Variants in RBP3 observed in about 807,000 individuals in gnomAD.
RBP3 encodes retinol binding protein 3.
Under a neutral mutation model 64.8 loss-of-function variants are expected in RBP3, and 50 were observed. The ratio of observed to expected loss-of-function variants is 0.77; its 90% CI spans 0.61 to 0.98. RBP3 has a LOEUF of 0.98. Ranked by LOEUF, RBP3 falls within the 50% of genes least tolerant of loss-of-function variation. The pLI is 0.00. For missense variants in RBP3, 1,712 were observed against 1,660.5 expected, an observed-to-expected ratio of 1.03 and a Z score of -0.54; for synonymous variants, 828 against 730.2, an observed-to-expected ratio of 1.13 and a Z score of -2.16.
rs1555211365 is a variant in RBP3, at chr10:47,350,371, G to A, written c.1887G>A (p.Val629=). 2.5e-6 allele frequency: 4 copies of A among 1,612,522 alleles called. No homozygotes were observed. The highest frequency in any genetic ancestry group is 3.4e-6 in the Non-Finnish European group (4 of 1,179,964). ...AGGCCCTGGACAAAGCCCAGGAAGT[G>A]CTGGAGTTCCACCAAAGCCTGGGGG... is the stretch of plus-strand genomic sequence containing the variant. ...AEEALDKAQE[V]LEFHQSLGAL... Residue 629 remains valine, a synonymous_variant, in exon 1 of 4, where the codon GTG becomes GTA. Transcript: ENST00000584701.
At chr10:47,355,583 C>T in intron 3 of RBP3, 65 bp downstream of exon 3, 2 of 1,607,776 alleles carry the variant, frequency 1.2e-6, no homozygotes, top group African/African-American at 2.7e-5. Context: ...CAGGGAAAGA[C>T]AGCTTGGGTG....
chr10:47,355,068 A>T (rs533523238), intron 2 of RBP3, among the ~76,000 whole-genome samples: 1 of 152,318 alleles, frequency 6.6e-6, no homozygotes, highest in East Asian at 1.9e-4. Flanking sequence ...AAATGGGGGA[A>T]ATTTATCAAC....
In RBP3 at chr10:47,349,990, C is replaced by A; in HGVS notation, c.1506C>A (p.Gly502=). The A allele has an allele frequency of 6.2e-7, 1 of 1,612,914 alleles. No homozygotes were observed. The highest frequency in any genetic ancestry group is 8.5e-7 in the Non-Finnish European group (1 of 1,179,830). ...CCTACTTCCAGGGCCCTGAGGCCGG[C>A]CCCGTGCACCTCTTCACCACCTATG... The part of the protein sequence containing the change: ...LLSYFQGPEA[G]PVHLFTTYDR... Residue 502 remains glycine, a synonymous_variant, in exon 1 of 4, where the codon GGC becomes GGA. Coordinates refer to ENST00000584701, the MANE Select transcript of RBP3 (RefSeq NM_002900.3).
chr10:47,356,097 T>C (rs1251576340), intron 3 of RBP3, among the ~76,000 whole-genome samples: 1 of 152,160 alleles, frequency 6.6e-6, no homozygotes, highest in Admixed American at 6.5e-5. Context: ...CTATCTTCCC[T>C]GCCCAGTGTG....
chr10:47,352,334 C>T (rs1298162416), intron 1 of RBP3, among the ~76,000 whole-genome samples: 1 of 152,176 alleles, frequency 6.6e-6, no homozygotes, highest in East Asian at 1.9e-4. Flanking sequence ...CCAAGAGTTG[C>T]CCTGAGACAT....
chr10:47,352,363 C>CTCCCTCT (rs1172167661), intron 1 of RBP3, among the ~76,000 whole-genome samples: 1 of 152,184 alleles, frequency 6.6e-6, no homozygotes, highest in Non-Finnish European at 1.5e-5. Flanking sequence ...GTGGGGCAGG[C>CTCCCTCT]TCCCTCTTCT....
Position 47,348,417 on chromosome 10 carries a change from C to G in RBP3, c.-68C>G. 2 of 1,549,164 alleles carry G rather than the reference C, an allele frequency of 1.3e-6. No individual in the cohort carries two copies. The highest frequency in any genetic ancestry group is 1.7e-6 in the Non-Finnish European group (2 of 1,146,730). ...AAGGGCGGAAGGCAGCTGCACAGAG[C>G]AGGGCCACGGCCTTGCACACAGTCC... On this transcript the variant is annotated 5_prime_UTR_variant, in exon 1 of 4. Transcript: ENST00000584701.
chr10:47,350,223 C>A lies in RBP3; in HGVS notation c.1739C>A (p.Pro580Gln). The change falls in exon 1 of 4, where the codon CCG (proline) becomes CAG (glutamine). Residue 580 changes from proline to glutamine, a missense_variant. Physicochemically the swap from Pro to Gln is moderately conservative, Grantham distance 76 (BLOSUM62 -1). Coordinates refer to ENST00000584701, the MANE Select transcript of RBP3 (RefSeq NM_002900.3). ...AACCTGCTGCACACCCGCACGGTGC[C>A]GCTGCTGGACACACCCGAAGGCAGC... ...AGNLLHTRTV[P>Q]LLDTPEGSLA... 6.2e-7 allele frequency: 1 copy of A among 1,608,654 alleles called. No homozygotes were observed. Among genetic ancestry groups the A allele is most frequent in the Non-Finnish European group, 8.5e-7 (1 of 1,179,920 alleles).
At position 47,349,015 on chromosome 10, in the gene RBP3, C is replaced by G. The variant is rs1565764095; in HGVS notation, c.531C>G (p.Val177=). 1.9e-6 allele frequency: 3 copies of G among 1,613,910 alleles called. No individual in the cohort carries two copies. The highest frequency in any genetic ancestry group is 2.5e-6 in the Non-Finnish European group (3 of 1,180,020). Reference sequence around the variant, plus strand: ...TCCGGCACTGCACAGGAGGCCAGGTCTCTGGCATTCCCTACATCATCTCCT... The same window carrying G: ...TCCGGCACTGCACAGGAGGCCAGGTGTCTGGCATTCCCTACATCATCTCCT... The part of the protein sequence containing the change: ...LDLRHCTGGQ[V]SGIPYIISYL... Residue 177 remains valine (V), a synonymous_variant, in exon 1 of 4, where the codon GTC becomes GTG. Coordinates refer to ENST00000584701, the MANE Select transcript of RBP3 (RefSeq NM_002900.3).
In RBP3 at chr10:47,350,251, C is replaced by A; in HGVS notation, c.1767C>A (p.Leu589=). The A allele has an allele frequency of 6.2e-7, 1 of 1,607,394 alleles. No homozygotes were observed. The highest frequency in any genetic ancestry group is 1.1e-5 in the South Asian group (1 of 91,068). ...TGCTGGACACACCCGAAGGCAGCCT[C>A]GCGCTCACCGTGCCGGTCCTCACCT... ...VPLLDTPEGS[L]ALTVPVLTFI... The change falls in exon 1 of 4, where the codon CTC becomes CTA. Residue 589 remains leucine, a synonymous_variant. Transcript: ENST00000584701.
Position 47,351,236 on chromosome 10 carries a change from G to A in RBP3, c.2752G>A (p.Val918Met). The A allele has an allele frequency of 1.2e-6, 2 of 1,613,392 alleles. No homozygotes were observed. ...DLAGVEPDITVPMSEALSIAQ... is the reference protein window; with the variant it reads ...DLAGVEPDITMPMSEALSIAQ... ...GGCTGGTGTGGAGCCCGACATCACT[G>A]TGCCCATGAGCGAAGCCCTTTCCAT... is the stretch of plus-strand genomic sequence containing the variant. Residue 918 changes from valine to methionine, a missense_variant, in exon 1 of 4, where the codon GTG becomes ATG. Coordinates refer to ENST00000584701, the MANE Select transcript of RBP3 (RefSeq NM_002900.3).
At position 47,351,055 on chromosome 10, in the gene RBP3, C is replaced by T. The variant is rs142208924; in HGVS notation, c.2571C>T (p.His857=). Residue 857 remains histidine, a synonymous_variant, in exon 1 of 4, where the codon CAC becomes CAT. Coordinates refer to ENST00000584701, the MANE Select transcript of RBP3 (RefSeq NM_002900.3). ...GCTCTGCGGCCGAGGCCTTTGCACA[C>T]ACCATGCAGGACCTGCAGCGGGCCA... ...TSGSAAEAFA[H]TMQDLQRATV... is the part of the protein sequence containing the mutation. The T allele has an allele frequency of 4.3e-5, 69 of 1,611,396 alleles. No homozygotes were observed. In the African/African-American group the frequency reaches 8.9e-4, roughly 21 times the overall value.
rs150933435 is a variant in RBP3 at position 47,350,239 on chromosome 10, C to A, written c.1755C>A (p.Pro585=). The A allele has an allele frequency of 6.2e-7, 1 of 1,607,868 alleles. No individual in the cohort carries two copies. Among genetic ancestry groups the A allele is most frequent in the South Asian group, 1.1e-5 (1 of 91,070 alleles). The change falls in exon 1 of 4, where the codon CCC becomes CCA. Residue 585 remains proline, a synonymous_variant. Coordinates refer to ENST00000584701, the MANE Select transcript of RBP3 (RefSeq NM_002900.3). ...GCACGGTGCCGCTGCTGGACACACC[C>A]GAAGGCAGCCTCGCGCTCACCGTGC... The part of the protein sequence containing the change: ...HTRTVPLLDT[P]EGSLALTVPV...
rs782646008 is a variant in RBP3 at position 47,355,385 on chromosome 10, C to T, written c.3255C>T (p.Ile1085=). ...DAMIIDMRFN[I]GGPTSSIPIL... is the part of the protein sequence containing the mutation. Reference sequence around the variant, plus strand: ...GCTTCCCATCCTTCAGGTTCAACATCGGTGGCCCCACATCCTCCATTCCCA... The same window carrying T: ...GCTTCCCATCCTTCAGGTTCAACATTGGTGGCCCCACATCCTCCATTCCCA... The change falls in exon 3 of 4, where the codon ATC becomes ATT. Residue 1085 remains isoleucine, a synonymous_variant. Transcript: ENST00000584701. 1.1e-5 allele frequency: 18 copies of T among 1,613,796 alleles called. No homozygotes were observed. Among genetic ancestry groups the T allele is most frequent in the Non-Finnish European group, 2.5e-6 (3 of 1,180,040 alleles).
At chr10:47,351,870 C>T (rs1003112251) in intron 1 of RBP3, among the ~76,000 whole-genome samples, 10 of 152,226 alleles carry the variant, frequency 6.6e-5, no homozygotes, top group Non-Finnish European at 1.5e-4. Flanking sequence ...TCGGAAGCTC[C>T]TGGGATAGAA....
rs782462545 is a variant in RBP3 at position 47,353,408 on chromosome 10, G to C, written c.3138G>C (p.Arg1046Ser). ...TTGAGGACAACATTGGCTACTTGAG[G>C]TTTGACATGTTTGGGGACGGTGAGC... ...NVLEDNIGYL[R>S]FDMFGDGELL... Residue 1046 changes from arginine (R) to serine (S), a missense_variant, in exon 2 of 4, where the codon AGG becomes AGC. Physicochemically the swap from Arg to Ser is moderately radical, Grantham distance 110. Transcript: ENST00000584701. 6.2e-7 allele frequency: 1 copy of C among 1,614,140 alleles called. No homozygotes were observed. The highest frequency in any genetic ancestry group is 2.2e-5 in the East Asian group (1 of 44,874).
Position 47,348,539 on chromosome 10 carries a change from C to A in RBP3, c.55C>A (p.Pro19Thr). 1 of 1,611,558 alleles carries A rather than the reference C, an allele frequency of 6.2e-7. No homozygotes were observed. Among genetic ancestry groups the A allele is most frequent in the Non-Finnish European group, 8.5e-7 (1 of 1,180,000 alleles). Reference sequence around the variant, plus strand: ...CGTGCTGCTCTGTGGCCTGGCTGGCCCCACACACCTGTTCCAGCCAAGCCT... The same window carrying A: ...CGTGCTGCTCTGTGGCCTGGCTGGCACCACACACCTGTTCCAGCCAAGCCT... ...MSVLLCGLAG[P>T]THLFQPSLVL... Residue 19 changes from proline (P) to threonine (T), a missense_variant, in exon 1 of 4, where the codon CCC becomes ACC. By Grantham distance (38) the Pro-to-Thr change is conservative (BLOSUM62 -1). Coordinates refer to ENST00000584701, the MANE Select transcript of RBP3 (RefSeq NM_002900.3).
rs1273315621 is a variant in RBP3, at chr10:47,357,355, T to G, written c.3642T>G (p.His1214Gln). ...SSWEGVGVTP[H>Q]VVVPAEEALA... ...GGGAAGGGGTGGGGGTGACACCCCA[T>G]GTGGTTGTCCCTGCAGAAGAGGCTC... The change falls in exon 4 of 4, where the codon CAT becomes CAG. Residue 1214 changes from histidine to glutamine, a missense_variant. Transcript: ENST00000584701. 1.2e-6 allele frequency: 2 copies of G among 1,613,950 alleles called. No individual in the cohort carries two copies. Among genetic ancestry groups the G allele is most frequent in the Non-Finnish European group, 1.7e-6 (2 of 1,180,002 alleles).
In RBP3 at chr10:47,350,187, T is replaced by C; in HGVS notation, c.1703T>C (p.Ile568Thr). ...SLGWATLVGE[I>T]TAGNLLHTRT... ...GGCTGGGCCACACTGGTAGGTGAGA[T>C]CACCGCGGGCAACCTGCTGCACACC... Residue 568 changes from isoleucine (I) to threonine (T), a missense_variant, in exon 1 of 4, where the codon ATC becomes ACC. By Grantham distance (89) the Ile-to-Thr change is moderately conservative. Coordinates refer to ENST00000584701, the MANE Select transcript of RBP3 (RefSeq NM_002900.3). The C allele has an allele frequency of 6.2e-7, 1 of 1,611,426 alleles. No individual in the cohort carries two copies. Among genetic ancestry groups the C allele is most frequent in the African/African-American group, 1.3e-5 (1 of 75,056 alleles).
Sources: allele counts gnomAD v4.1 joint callset (sites outside exome capture counted in the v4.1 genomes callset), GRCh38; gene constraint gnomAD v4.1.1; transcripts MANE v1.5; gene names NCBI Gene and HGNC (gene_info 2026-07-23, HGNC 2026-07-21).